Variants in SPIRE1 observed in about 807,000 individuals in gnomAD.
SPIRE1 encodes the protein protein spire homolog 1.
Under a neutral mutation model 94.1 loss-of-function variants are expected in SPIRE1, and 40 were observed. The ratio of observed to expected loss-of-function variants is 0.43; its 90% confidence interval spans 0.33 to 0.55. SPIRE1 has a LOEUF of 0.55. Ranked by LOEUF, SPIRE1 falls within the 20% of genes least tolerant of loss-of-function variation. SPIRE1 has a pLI of 0.06. For synonymous variants in SPIRE1, 376 were observed against 371.7 expected (o/e 1.01, Z -0.13); for missense variants, 838 against 975.2 (o/e 0.86, Z 1.87).
At chr18:12,500,140 G>GGAGGGGGGTC (rs1165427950) in intron 6 of SPIRE1, among the ~76,000 whole-genome samples, 2 of 152,142 alleles carry the variant, frequency 1.3e-5, no homozygotes, top group Non-Finnish European at 2.9e-5. Context: ...GGGGAGGTTG[G>GGAGGGGGGTC]GAGGGGGGTC....
At position 12,644,652 on chromosome 18, in the gene SPIRE1, G is replaced by A. The variant is rs1013218977; in HGVS notation, c.338-9556C>T. Among the ~76,000 whole-genome samples the A allele has an allele frequency of 3.3e-5, 5 of 152,266 alleles. No homozygotes were observed. In the East Asian group the frequency reaches 9.7e-4, roughly 29 times the overall value. ...TCTAAAAACCTGGTGGAGCACCTAA[G>A]GCAACAAAGGTCTAATCACATGGAC... On this transcript the variant is annotated intron_variant, in intron 1 of 16. Transcript: ENST00000409402.
chr18:12,635,920 A>C (rs933776336), intron 1 of SPIRE1, among the ~76,000 whole-genome samples: 2 of 150,198 alleles, frequency 1.3e-5, no homozygotes, highest in African/African-American at 2.4e-5. Context: ...AAGCAGTCTC[A>C]CTCTGTCACC....
chr18:12,516,845 G>A (rs2034210984), intron 4 of SPIRE1, among the ~76,000 whole-genome samples: 1 of 152,122 alleles, frequency 6.6e-6, no homozygotes, highest in South Asian at 2.1e-4. Context: ...ATGTAGTCAG[G>A]AGGGTGTCAC....
At chr18:12,505,024 AGCCGTGTGG>A (rs2033783413) in intron 6 of SPIRE1, among the ~76,000 whole-genome samples, 1 of 152,188 alleles carries the variant, frequency 6.6e-6, no homozygotes, top group South Asian at 2.1e-4. Flanking sequence ...ACCTGGATCC[AGCCGTGTGG>A]GCTGTGCCGG....
chr18:12,546,818 T>A lies in SPIRE1; in HGVS notation c.459A>T (p.Leu153=), dbSNP rs774244166. 12 of 1,613,950 alleles carry A rather than the reference T, an allele frequency of 7.4e-6. No homozygotes were observed. Among genetic ancestry groups the A allele is most frequent in the Non-Finnish European group, 1.0e-5 (12 of 1,179,972 alleles). Reference sequence around the variant, plus strand: ...TGGCCATGTGATCGATAAGCTGCTCTAGGGGAGGGCTTAATTCCCTTTCTT... The same window carrying A: ...TGGCCATGTGATCGATAAGCTGCTCAAGGGGAGGGCTTAATTCCCTTTCTT... ...ENEERELSPP[L]EQLIDHMANT... is the part of the protein sequence containing the mutation. Residue 153 remains leucine (L), a synonymous_variant, in exon 3 of 17, where the codon CTA becomes CTT. Transcript: ENST00000409402.
intron 1 of SPIRE1, among the ~76,000 whole-genome samples, chr18:12,641,868 T>G (rs551187928): frequency 1.3e-5 from 2 of 149,296 alleles, no homozygotes; most frequent in South Asian, 4.3e-4. Context: ...AGTCTTGCTC[T>G]GTCGCCCAGG....
At chr18:12,631,562 A>AAAAAC (rs1555634746) in intron 2 of SPIRE1, among the ~76,000 whole-genome samples, 1 of 150,150 alleles carries the variant, frequency 6.7e-6, no homozygotes, top group Non-Finnish European at 1.5e-5. Context: ...AAAAAAAAAA[A>AAAAAC]AAAAAAAAAA....
intron 10 of SPIRE1, among the ~76,000 whole-genome samples, chr18:12,471,942 A>G (rs2032377192): frequency 6.6e-6 from 1 of 151,338 alleles, no homozygotes; most frequent in Non-Finnish European, 1.5e-5. Flanking sequence ...GCACCACCAC[A>G]CCGGGCTAAT....
chr18:12,611,760 T>C (rs907826874), intron 2 of SPIRE1, among the ~76,000 whole-genome samples: 18 of 152,092 alleles, frequency 1.2e-4, no homozygotes, highest in Admixed American at 9.8e-4. Context: ...CTTCCCAGGC[T>C]CAAGTGATCG....
At chr18:12,602,031 G>T (rs1054454432) in intron 2 of SPIRE1, among the ~76,000 whole-genome samples, 1 of 152,078 alleles carries the variant, frequency 6.6e-6, no homozygotes, top group African/African-American at 2.4e-5. Flanking sequence ...GGTGACTAGG[G>T]GTGCCACTGC....
upstream of SPIRE1, among the ~76,000 whole-genome samples, chr18:12,660,582 AAGCGCTG>A (rs1022729650): frequency 6.6e-6 from 1 of 152,118 alleles, no homozygotes; most frequent in Non-Finnish European, 1.5e-5. Context: ...CAGCCTCCAA[AAGCGCTG>A]GGATTACAGG....
intron 2 of SPIRE1, among the ~76,000 whole-genome samples, chr18:12,561,016 G>A (rs1842500668): frequency 2.0e-5 from 3 of 152,194 alleles, no homozygotes; most frequent in Admixed American, 2.0e-4. Flanking sequence ...ATAAATGCTT[G>A]AAGTGATGGA....
chr18:12,565,851 T>A (rs921826835), intron 2 of SPIRE1, among the ~76,000 whole-genome samples: 1 of 150,438 alleles, frequency 6.6e-6, no homozygotes, highest in Non-Finnish European at 1.5e-5. Context: ...CTGGCCAATA[T>A]GGTGAAACTC....
At chr18:12,639,939 T>C (rs1424900390) in intron 1 of SPIRE1, among the ~76,000 whole-genome samples, 1 of 151,914 alleles carries the variant, frequency 6.6e-6, no homozygotes, top group Non-Finnish European at 1.5e-5. Flanking sequence ...TATGCCTTCC[T>C]ATAAACTGAC....
At chr18:12,542,416 C>A (rs897244334) in intron 3 of SPIRE1, among the ~76,000 whole-genome samples, 1 of 152,068 alleles carries the variant, frequency 6.6e-6, no homozygotes, top group African/African-American at 2.4e-5. Context: ...CTGTATTGAG[C>A]AGTATAAATT....
chr18:12,481,288 C>A (rs895348443), intron 9 of SPIRE1, among the ~76,000 whole-genome samples: 1 of 132,826 alleles, frequency 7.5e-6, no homozygotes. Context: ...CCCCGCCCCC[C>A]GCAAGAATGT....
At chr18:12,452,945 C>T (rs1042743883) in intron 14 of SPIRE1, 123 bp downstream of exon 14, 8 of 648,898 alleles carry the variant, frequency 1.2e-5, no homozygotes, top group Admixed American at 3.5e-5. Flanking sequence ...CACAAGGTAA[C>T]GTAACAGAGT....
chr18:12,599,541 G>T (rs918443414), intron 2 of SPIRE1, among the ~76,000 whole-genome samples: 4 of 152,202 alleles, frequency 2.6e-5, no homozygotes, highest in Non-Finnish European at 4.4e-5. Context: ...TGGGATTACA[G>T]GTGTGAGCCA....
intron 12 of SPIRE1, among the ~76,000 whole-genome samples, chr18:12,457,851 T>C (rs1199961199): frequency 2.0e-5 from 3 of 149,996 alleles, no homozygotes; most frequent in Non-Finnish European, 3.0e-5. Context: ...TTTTTCTTTT[T>C]TTTTTTTTTT....
Sources: gnomAD v4.1 joint callset for allele counts (sites outside exome capture counted in the v4.1 genomes callset) on GRCh38, gnomAD v4.1.1 for gene constraint, MANE v1.5 for transcripts, NCBI Gene and HGNC (gene_info 2026-07-23, HGNC 2026-07-21) for gene names.